ZNF609: variants seen among roughly 807,000 people sequenced by gnomAD.
ZNF609 encodes zinc finger protein 609.
A neutral mutation model predicts 109.5 loss-of-function variants in ZNF609; 11 were observed. That is an observed-to-expected ratio of 0.10 (90% CI 0.06 to 0.17). ZNF609 has a LOEUF of 0.17. ZNF609 is among the 10% of genes least tolerant of loss of function. The probability of loss-of-function intolerance (pLI) is 1.00; values close to 1 mark genes in which losing one functional copy is unlikely to be tolerated. For missense variants in ZNF609, 1,559 were observed against 1,772.4 expected, an observed-to-expected ratio of 0.88 and a Z score of 2.16; for synonymous variants, 646 against 662.0, an observed-to-expected ratio of 0.98 and a Z score of 0.37.
chr15:64,484,535 G>C (rs1257060825), intron 1 of ZNF609, among the ~76,000 whole-genome samples: 1 of 151,738 alleles, frequency 6.6e-6, no homozygotes, highest in Admixed American at 6.6e-5. Context: ...AATTAGCTGG[G>C]CGTGGTGGCG....
At chr15:64,573,480 G>A (rs1416194033) in intron 2 of ZNF609, among the ~76,000 whole-genome samples, 8 of 145,886 alleles carry the variant, frequency 5.5e-5, no homozygotes, top group African/African-American at 2.0e-4. Flanking sequence ...TCAGCCTCCC[G>A]AGTAGCTGGG....
At chr15:64,504,595 G>A (rs1457526771) in intron 2 of ZNF609, among the ~76,000 whole-genome samples, 1 of 151,544 alleles carries the variant, frequency 6.6e-6, no homozygotes, top group African/African-American at 2.4e-5. Flanking sequence ...TTAGCTCCCC[G>A]AGTAGCTGGG....
At chr15:64,663,363 C>A (rs1442860782) in intron 3 of ZNF609, among the ~76,000 whole-genome samples, 2 of 152,120 alleles carry the variant, frequency 1.3e-5, no homozygotes, top group Non-Finnish European at 2.9e-5. Flanking sequence ...GAAGGATGTA[C>A]ACATGCCATT....
intron 1 of ZNF609, among the ~76,000 whole-genome samples, chr15:64,486,003 C>T (rs1400017708): frequency 6.6e-6 from 1 of 152,110 alleles, no homozygotes; most frequent in Non-Finnish European, 1.5e-5. Context: ...TAGAGTCATA[C>T]TATTTTCACC....
rs183306789 is a variant in ZNF609 at position 64,644,725 on chromosome 15, C to A, written c.973+21673C>A. ...GATACTATCCAAGTGACCTGCAATG[C>A]CATCCATAGATGGTGGGCAAAATTG... On this transcript the variant is annotated intron_variant, in intron 3 of 9. Coordinates refer to ENST00000326648, the MANE Select transcript of ZNF609 (RefSeq NM_015042.2). Among the ~76,000 whole-genome samples the A allele has an allele frequency of 2.3e-3, 346 of 152,298 alleles. 1 individual carries two copies. Among genetic ancestry groups the A allele is most frequent in the Non-Finnish European group, 3.8e-3 (256 of 68,026 alleles).
At chr15:64,528,054 T>G (rs1893996035) in intron 2 of ZNF609, among the ~76,000 whole-genome samples, 2 of 152,110 alleles carry the variant, frequency 1.3e-5, no homozygotes, top group South Asian at 2.1e-4. Context: ...ATATAGGGGT[T>G]AATAGCACAA....
At chr15:64,668,004 T>A (rs1333071159) in intron 3 of ZNF609, among the ~76,000 whole-genome samples, 3 of 152,180 alleles carry the variant, frequency 2.0e-5, no homozygotes, top group Non-Finnish European at 2.9e-5. Context: ...CCTGATTCAT[T>A]ATTAGAATAG....
intron 3 of ZNF609, among the ~76,000 whole-genome samples, chr15:64,628,010 T>C (rs1035483815): frequency 2.0e-5 from 3 of 150,408 alleles, no homozygotes; most frequent in Admixed American, 1.3e-4. Context: ...TGGTGGCTCA[T>C]GCCTGTAATC....
intron 2 of ZNF609, among the ~76,000 whole-genome samples, chr15:64,610,639 C>T (rs990901322): frequency 1.3e-5 from 2 of 152,050 alleles, no homozygotes; most frequent in Non-Finnish European, 2.9e-5. Flanking sequence ...AAGAGCAAGA[C>T]CCTGTTTCTA....
intron 2 of ZNF609, among the ~76,000 whole-genome samples, chr15:64,606,360 A>G (rs1227357010): frequency 6.6e-6 from 1 of 151,148 alleles, no homozygotes; most frequent in African/African-American, 2.4e-5. Flanking sequence ...GGAGTTCAAG[A>G]TCATTTTGGC....
intron 3 of ZNF609, among the ~76,000 whole-genome samples, chr15:64,663,698 G>C (rs1245046485): frequency 6.6e-6 from 1 of 152,134 alleles, no homozygotes; most frequent in Non-Finnish European, 1.5e-5. Context: ...GTTTCAAGAA[G>C]GGAATTGGTC....
intron 2 of ZNF609, among the ~76,000 whole-genome samples, chr15:64,503,359 A>G (rs1182913796): frequency 6.6e-6 from 1 of 152,192 alleles, no homozygotes; most frequent in East Asian, 1.9e-4. Context: ...ATGTTGAGGA[A>G]TAAACAAGAC....
intron 2 of ZNF609, among the ~76,000 whole-genome samples, chr15:64,544,756 C>A (rs1237024801): frequency 2.0e-5 from 3 of 152,160 alleles, no homozygotes; most frequent in East Asian, 1.9e-4. Flanking sequence ...TGTCAGCAAG[C>A]GAACCCCTTT....
chr15:64,631,529 T>C, intron 3 of ZNF609: 1 of 620,754 alleles, frequency 1.6e-6, no homozygotes, highest in Admixed American at 2.1e-5. Flanking sequence ...AACTTCATAT[T>C]TTCTTTTCTT....
chr15:64,533,075 A>T (rs1894085090), intron 2 of ZNF609, among the ~76,000 whole-genome samples: 1 of 151,418 alleles, frequency 6.6e-6, no homozygotes, highest in Non-Finnish European at 1.5e-5. Context: ...TTTTTGAGAC[A>T]GAGTCTGCTC....
At chr15:64,605,358 A>G (rs774652687) in intron 2 of ZNF609, among the ~76,000 whole-genome samples, 65 of 152,202 alleles carry the variant, frequency 4.3e-4, no homozygotes, top group African/African-American at 9.4e-4. Flanking sequence ...CCCTGCTAGA[A>G]GAAGGGAGGG....
chr15:64,576,954 A>G (rs1171732995), intron 2 of ZNF609, among the ~76,000 whole-genome samples: 2 of 142,288 alleles, frequency 1.4e-5, no homozygotes, highest in Non-Finnish European at 3.0e-5. Flanking sequence ...ATATACATAT[A>G]TGTATATATA....
At chr15:64,541,163 C>G (rs1402700563) in intron 2 of ZNF609, among the ~76,000 whole-genome samples, 1 of 151,452 alleles carries the variant, frequency 6.6e-6, no homozygotes, top group Non-Finnish European at 1.5e-5. Context: ...CGCGGTGGCT[C>G]ACGCCTGTAA....
At chr15:64,551,600 C>T (rs1422365114) in intron 2 of ZNF609, among the ~76,000 whole-genome samples, 3 of 135,142 alleles carry the variant, frequency 2.2e-5, no homozygotes, top group African/African-American at 5.2e-5. Context: ...TATGGTGAGC[C>T]GAGATCGCGC....
Sources: allele counts gnomAD v4.1 joint callset (sites outside exome capture counted in the v4.1 genomes callset), GRCh38; gene constraint gnomAD v4.1.1; transcripts MANE v1.5; gene names NCBI Gene and HGNC (gene_info 2026-07-23, HGNC 2026-07-21).